Variants in ZFHX3 observed in about 807,000 individuals in gnomAD.
The protein encoded by ZFHX3 is zinc finger homeobox 3.
ZFHX3 carries 42 observed loss-of-function variants against 279.1 expected under a neutral mutation model. The observed-to-expected ratio is 0.15, with a 90% CI of 0.12 to 0.19. ZFHX3 has a LOEUF of 0.19. Ranked by LOEUF, ZFHX3 falls within the 10% of genes least tolerant of loss-of-function variation. ZFHX3 has a pLI of 1.00. For synonymous variants in ZFHX3, 2,293 were observed against 1,957.8 expected (o/e 1.17, Z -4.52); for missense variants, 4,981 against 4,754.0 (o/e 1.05, Z -1.40).
At chr16:73,537,297 G>C (rs893495004) in intron 2 of ZFHX3, among the ~76,000 whole-genome samples, 4 of 141,138 alleles carry the variant, frequency 2.8e-5, no homozygotes, top group Non-Finnish European at 6.2e-5. Flanking sequence ...TAAATCTAAA[G>C]TCACTTCTTT....
chr16:73,439,193 G>A (rs968717139), intron 3 of ZFHX3, among the ~76,000 whole-genome samples: 3 of 152,178 alleles, frequency 2.0e-5, no homozygotes, highest in Non-Finnish European at 4.4e-5. Context: ...TGTGTTACTT[G>A]CTAGAAAGTT....
chr16:73,784,729 G>T lies in ZFHX3; in HGVS notation c.-1607-104489C>A, dbSNP rs1383905254. Among the ~76,000 whole-genome samples the T allele has an allele frequency of 4.7e-5, 7 of 150,362 alleles. No individual in the cohort carries two copies. The Admixed American group carries it at 4.7e-4, about 10-fold the overall frequency. On this transcript the variant is annotated intron_variant, in intron 1 of 17. Coordinates refer to the ZFHX3 transcript ENST00000641206. ...TCCACTGCACTCCAGCCTGGTGAAA[G>T]AGTAAGACTATGTCTCAAAAATTAA...
intron 1 of ZFHX3, among the ~76,000 whole-genome samples, chr16:73,720,322 A>T (rs540582307): frequency 1.3e-5 from 2 of 152,346 alleles, no homozygotes; most frequent in African/African-American, 4.8e-5. Context: ...GTGTTAGGGA[A>T]TTGATCATAA....
At chr16:73,087,162 C>T (rs1373981941) in intron 8 of ZFHX3, among the ~76,000 whole-genome samples, 1 of 152,118 alleles carries the variant, frequency 6.6e-6, no homozygotes, top group African/African-American at 2.4e-5. Flanking sequence ...ATGAATACTG[C>T]CATGGAGAAT....
intron 4 of ZFHX3, among the ~76,000 whole-genome samples, chr16:73,258,003 A>G (rs1351975898): frequency 6.6e-6 from 1 of 152,168 alleles, no homozygotes; most frequent in East Asian, 1.9e-4. Context: ...TGCCAGTAGC[A>G]TCTCCCCACC....
intron 4 of ZFHX3, among the ~76,000 whole-genome samples, chr16:73,264,720 A>G (rs1279966652): frequency 1.3e-5 from 2 of 152,002 alleles, no homozygotes; most frequent in Non-Finnish European, 2.9e-5. Flanking sequence ...CTAGTCCTTT[A>G]TCTCTTACAT....
chr16:73,737,998 G>A (rs572038182), intron 1 of ZFHX3, among the ~76,000 whole-genome samples: 5 of 152,210 alleles, frequency 3.3e-5, no homozygotes, highest in African/African-American at 7.2e-5. Flanking sequence ...TAATGGCAAC[G>A]TTGAGATTTT....
At chr16:73,511,201 G>C (rs892418147) in intron 2 of ZFHX3, among the ~76,000 whole-genome samples, 3 of 152,188 alleles carry the variant, frequency 2.0e-5, no homozygotes, top group Admixed American at 1.3e-4. Context: ...AAAGTTCCTC[G>C]CAAGTTCCAG....
intron 2 of ZFHX3, among the ~76,000 whole-genome samples, chr16:73,644,015 G>A (rs2052596133): frequency 6.6e-6 from 1 of 151,944 alleles, no homozygotes; most frequent in African/African-American, 2.4e-5. Flanking sequence ...CACATCCAAT[G>A]GCCTGTTTTT....
intron 1 of ZFHX3, among the ~76,000 whole-genome samples, chr16:73,727,998 T>C (rs1413232793): frequency 6.7e-6 from 1 of 148,544 alleles, no homozygotes; most frequent in African/African-American, 2.5e-5. Flanking sequence ...CTTGGTCCCT[T>C]TTATGAGCCG....
intron 1 of ZFHX3, among the ~76,000 whole-genome samples, chr16:73,697,875 C>T (rs1044053353): frequency 3.9e-5 from 6 of 151,998 alleles, no homozygotes; most frequent in African/African-American, 1.2e-4. Context: ...TTTGTGGAAA[C>T]GGCCTATAAG....
intron 1 of ZFHX3, among the ~76,000 whole-genome samples, chr16:73,761,422 T>A (rs1033070823): frequency 6.6e-6 from 1 of 152,136 alleles, no homozygotes; most frequent in Non-Finnish European, 1.5e-5. Context: ...AAGTAATTTA[T>A]ACATTCAATG....
At chr16:73,044,745 C>T (rs1965231645) in intron 1 of ZFHX3, among the ~76,000 whole-genome samples, 2 of 152,174 alleles carry the variant, frequency 1.3e-5, no homozygotes, top group African/African-American at 4.8e-5. Flanking sequence ...CCTCGGCCTC[C>T]TGAGTAGCTG....
intron 1 of ZFHX3, among the ~76,000 whole-genome samples, chr16:73,000,351 T>C (rs988698144): frequency 1.3e-5 from 2 of 152,146 alleles, no homozygotes; most frequent in Non-Finnish European, 1.5e-5. Flanking sequence ...CCGGGAACAA[T>C]GGTCTTTTCA....
intron 4 of ZFHX3, among the ~76,000 whole-genome samples, chr16:73,278,589 C>G (rs1054229686): frequency 3.9e-5 from 6 of 152,224 alleles, no homozygotes; most frequent in African/African-American, 1.4e-4. Context: ...GTAGGAGGTG[C>G]TGGCTGGGGT....
intron 3 of ZFHX3, among the ~76,000 whole-genome samples, chr16:73,344,669 G>C (rs2016092363): frequency 6.6e-6 from 1 of 152,052 alleles, no homozygotes; most frequent in Non-Finnish European, 1.5e-5. Flanking sequence ...AAATGACTGA[G>C]AAAAATTATA....
At chr16:73,807,620 ATTTTTTTTT>A (rs55806545) in intron 1 of ZFHX3, among the ~76,000 whole-genome samples, 139 of 70,586 alleles carry the variant, frequency 2.0e-3, no homozygotes, top group African/African-American at 4.6e-3. Flanking sequence ...CCATGCCCCA[ATTTTTTTTT>A]TTTTTTTTTT....
In ZFHX3 at chr16:72,972,677, G is replaced by A. The variant is rs139515473; in HGVS notation, c.-49-12483C>T. On this transcript the variant is annotated intron_variant, in intron 1 of 9. Coordinates refer to ENST00000268489, the MANE Select transcript of ZFHX3 (RefSeq NM_006885.4). ...TTTCTGTCCTCTGTCCAAAGTCATC[G>A]GTGTCCTCCTGGTCTTGGTCAATGG... is the stretch of plus-strand genomic sequence containing the variant. Among the ~76,000 whole-genome samples, 97 of 152,176 alleles carry A rather than the reference G, an allele frequency of 6.4e-4. 1 individual carries two copies. In the Middle Eastern group the frequency reaches 0.01, roughly 16 times the overall value.
At chr16:73,447,569 T>A (rs2018209618) in intron 3 of ZFHX3, among the ~76,000 whole-genome samples, 1 of 152,114 alleles carries the variant, frequency 6.6e-6, no homozygotes, top group South Asian at 2.1e-4. Flanking sequence ...ATTGCCTCTA[T>A]AAGGACATTT....
Sources: allele counts gnomAD v4.1 joint callset (sites outside exome capture counted in the v4.1 genomes callset), GRCh38; gene constraint gnomAD v4.1.1; transcripts MANE v1.5; gene names NCBI Gene and HGNC (gene_info 2026-07-23, HGNC 2026-07-21).